The following PFKFB4 variants were observed in gnomAD, a reference collection of about 807,000 sequenced individuals.
The protein encoded by PFKFB4 is 6-phosphofructo-2-kinase/fructose-2,6-biphosphatase 4, also known as 6-phosphofructo-2-kinase/fructose-2,6-bisphosphatase 4.
PFKFB4 carries 42 observed loss-of-function variants against 62.8 expected under a neutral mutation model. That is an observed-to-expected ratio of 0.67 (90% CI 0.52 to 0.86). PFKFB4 has a LOEUF of 0.86. Among genes scored for constraint, PFKFB4 ranks in the 40% least tolerant of loss-of-function variants. PFKFB4 has a pLI of 0.00. For synonymous variants in PFKFB4, 204 were observed against 240.7 expected (o/e 0.85, Z 1.41); for missense variants, 475 against 627.2 (o/e 0.76, Z 2.59).
intron 9 of PFKFB4, among the ~76,000 whole-genome samples, chr3:48,527,611 T>A (rs867061826): frequency 2.4e-4 from 36 of 151,884 alleles, no homozygotes; most frequent in Admixed American, 3.9e-4. Flanking sequence ...TTAGTAGAAA[T>A]TTAGACATTA....
chr3:48,555,813 A>C (rs1209453418), intron 1 of PFKFB4, among the ~76,000 whole-genome samples: 1 of 151,636 alleles, frequency 6.6e-6, no homozygotes, highest in African/African-American at 2.4e-5. Context: ...TTGAGGTGGG[A>C]GGATTGCTTG....
At chr3:48,549,721 A>C in intron 3 of PFKFB4, 143 bp downstream of exon 3, 1 of 611,564 alleles carries the variant, frequency 1.6e-6, no homozygotes, top group Admixed American at 2.4e-5. Flanking sequence ...AGGGCTGGGC[A>C]AGGCCAGGGC....
At chr3:48,552,057 A>C (rs779165320) in intron 1 of PFKFB4, among the ~76,000 whole-genome samples, 2 of 152,202 alleles carry the variant, frequency 1.3e-5, no homozygotes, top group Non-Finnish European at 1.5e-5. Context: ...CCCTCAGAGC[A>C]CAGAGGCCCC....
chr3:48,560,070 A>G (rs2043409410), upstream of PFKFB4, among the ~76,000 whole-genome samples: 1 of 152,104 alleles, frequency 6.6e-6, no homozygotes, highest in African/African-American at 2.4e-5. Context: ...GTTTATAGCC[A>G]TTAGCCACCA....
At position 48,523,575 on chromosome 3, in the gene PFKFB4, G is replaced by C; in HGVS notation, c.1247C>G (p.Pro416Arg). 8 of 1,614,130 alleles carry C rather than the reference G, an allele frequency of 5.0e-6. No individual in the cohort carries two copies. The highest frequency in any genetic ancestry group is 5.9e-6 in the Non-Finnish European group (7 of 1,180,024). The change falls in exon 12 of 14, where the codon CCG becomes CGG. Residue 416 changes from proline (P) to arginine (R), a missense_variant. Transcript: ENST00000232375. ...AGTCAGCTTCAGGACTGTGTGCAGC[G>C]GACACTTGAGGTAGGGCAGCTGTTC... ...AAEQLPYLKC[P>R]LHTVLKLTPV... is the part of the protein sequence containing the mutation.
At chr3:48,527,199 ATGT>A (rs1560154142) in intron 9 of PFKFB4, among the ~76,000 whole-genome samples, 1 of 151,154 alleles carries the variant, frequency 6.6e-6, no homozygotes, top group Non-Finnish European at 1.5e-5. Context: ...GAATCAATTC[ATGT>A]TGTTTTAAGC....
chr3:48,537,244 G>T (rs1469973807), intron 7 of PFKFB4, among the ~76,000 whole-genome samples: 1 of 152,176 alleles, frequency 6.6e-6, no homozygotes, highest in African/African-American at 2.4e-5. Flanking sequence ...TGGTTTGGGG[G>T]TGTCACGATG....
chr3:48,520,618 T>C (rs2042068596), intron 13 of PFKFB4, among the ~76,000 whole-genome samples: 2 of 152,148 alleles, frequency 1.3e-5, no homozygotes, highest in Admixed American at 6.5e-5. Flanking sequence ...GCCCCTGGAA[T>C]TGTAGGGGCA....
chr3:48,544,943 C>T (rs927395654), intron 3 of PFKFB4, among the ~76,000 whole-genome samples: 3 of 151,968 alleles, frequency 2.0e-5, no homozygotes, highest in Non-Finnish European at 2.9e-5. Flanking sequence ...AGGCTGGTCT[C>T]GAACTCCTGA....
At chr3:48,557,904 T>C (rs1360891765), upstream of PFKFB4, among the ~76,000 whole-genome samples, 1 of 152,200 alleles carries the variant, frequency 6.6e-6, no homozygotes, top group Non-Finnish European at 1.5e-5. Flanking sequence ...TAATCGTCTT[T>C]CCAGAATTTC....
chr3:48,553,954 C>T lies in PFKFB4; in HGVS notation c.97+2727G>A, dbSNP rs564473715. Reference sequence around the variant, plus strand: ...CTTGAGTCAGCTCTTGCCCCACCTGCCCTCAGAGTTCCTCCAGGTCTGAGC... The same window carrying T: ...CTTGAGTCAGCTCTTGCCCCACCTGTCCTCAGAGTTCCTCCAGGTCTGAGC... On this transcript the variant is annotated intron_variant, in intron 1 of 13. Coordinates refer to ENST00000232375, the MANE Select transcript of PFKFB4 (RefSeq NM_004567.4). Among the ~76,000 whole-genome samples the T allele has an allele frequency of 2.0e-5, 3 of 152,294 alleles. No individual in the cohort carries two copies. In the South Asian group the frequency reaches 6.2e-4, roughly 32 times the overall value.
chr3:48,543,968 A>G (rs1335598053), intron 3 of PFKFB4, among the ~76,000 whole-genome samples: 1 of 150,950 alleles, frequency 6.6e-6, no homozygotes, highest in African/African-American at 2.4e-5. Flanking sequence ...ATTGTCATAT[A>G]TTTTCCCTGA....
intron 7 of PFKFB4, among the ~76,000 whole-genome samples, chr3:48,537,131 T>C (rs914863361): frequency 1.3e-5 from 2 of 152,186 alleles, no homozygotes; most frequent in Non-Finnish European, 2.9e-5. Flanking sequence ...GGACAGCACA[T>C]TGATCAGTCT....
intron 9 of PFKFB4, among the ~76,000 whole-genome samples, chr3:48,528,620 G>A (rs1183357066): frequency 6.6e-6 from 1 of 152,182 alleles, no homozygotes; most frequent in Non-Finnish European, 1.5e-5. Context: ...CTAAGATCGT[G>A]CTACTGCACT....
intron 9 of PFKFB4, among the ~76,000 whole-genome samples, chr3:48,529,065 T>G (rs2042351924): frequency 6.6e-6 from 1 of 152,010 alleles, no homozygotes; most frequent in Admixed American, 6.6e-5. Context: ...AGAGACTGAG[T>G]CTCGCCTTGT....
chr3:48,526,785 A>G (rs1294849261), intron 9 of PFKFB4, among the ~76,000 whole-genome samples: 1 of 150,684 alleles, frequency 6.6e-6, no homozygotes, highest in African/African-American at 2.4e-5. Flanking sequence ...CTAAAAAAAT[A>G]CAAAAATTAG....
In PFKFB4 at chr3:48,549,892, C is replaced by G. The variant is rs569405949; in HGVS notation, c.283G>C (p.Asp95His). The G allele has an allele frequency of 6.2e-7, 1 of 1,612,680 alleles. No homozygotes were observed. Among genetic ancestry groups the G allele is most frequent in the Non-Finnish European group, 8.5e-7 (1 of 1,178,706 alleles). Residue 95 changes from aspartate to histidine, a missense_variant, in exon 3 of 14, where the codon GAC (aspartate) becomes CAC (histidine). By Grantham distance (81) the Asp-to-His change is moderately conservative. Transcript: ENST00000232375. ...TYKSFEFFLPDNEEGLKIRKQ... is the reference protein window; with the variant it reads ...TYKSFEFFLPHNEEGLKIRKQ... ...CTGATTTTCAGGCCCTCTTCATTGT[C>G]GGGGAGAAAAAATTCAAAAGATTTG...
rs71074260 is a variant in PFKFB4, at chr3:48,551,519, C to CTTTTTT, written c.98-1291_98-1286dup. Among the ~76,000 whole-genome samples the CTTTTTT allele has an allele frequency of 2.4e-4, 7 of 29,120 alleles. 1 individual carries two copies. The highest frequency in any genetic ancestry group is 1.1e-3 in the African/African-American group (7 of 6,188). The allele number at this position is 29,120 out of a possible 152,430, so 19.1% of individuals were successfully genotyped here. A position where few individuals can be genotyped will look rare whatever the true frequency, so the allele number is the denominator to read the frequency against. The stretch of plus-strand genomic sequence containing the variant: ...GGTGTGAGCCATCACCTCCAGCCTT[C>CTTTTTT]TTTTTTTTTTTTTTTTTTTTTTTTT... On this transcript the variant is annotated intron_variant, in intron 1 of 13. Coordinates refer to ENST00000232375, the MANE Select transcript of PFKFB4 (RefSeq NM_004567.4).
Position 48,550,226 on chromosome 3 carries a change from T to C in PFKFB4, c.106A>G (p.Thr36Ala). The C allele has an allele frequency of 6.2e-7, 1 of 1,611,448 alleles. No individual in the cohort carries two copies. The highest frequency in any genetic ancestry group is 1.3e-5 in the African/African-American group (1 of 74,974). Residue 36 changes from threonine (T) to alanine (A), a missense_variant, in exon 2 of 14, where the codon ACC becomes GCC. By Grantham distance (58) the Thr-to-Ala change is moderately conservative. Coordinates refer to ENST00000232375, the MANE Select transcript of PFKFB4 (RefSeq NM_004567.4). Reference protein sequence around the residue: ...LHACQRGVCMTNCPTLIVMVG... With the variant: ...LHACQRGVCMANCPTLIVMVG... Reference sequence around the variant, plus strand: ...ATGACAATGAGAGTTGGGCAGTTGGTCATGCACACTAAAAGGCAAGCAGCA... The same window carrying C: ...ATGACAATGAGAGTTGGGCAGTTGGCCATGCACACTAAAAGGCAAGCAGCA...
Sources: allele counts gnomAD v4.1 joint callset (sites outside exome capture counted in the v4.1 genomes callset), GRCh38; gene constraint gnomAD v4.1.1; transcripts MANE v1.5; gene names NCBI Gene and HGNC (gene_info 2026-07-23, HGNC 2026-07-21).